The following SORD variants were observed in gnomAD, a reference collection of about 807,000 sequenced individuals.
The protein encoded by SORD is sorbitol dehydrogenase.
Under a neutral mutation model 35.6 loss-of-function variants are expected in SORD, and 18 were observed. The observed-to-expected ratio is 0.51, with a 90% CI of 0.35 to 0.75. The LOEUF (loss-of-function observed/expected upper bound fraction) is 0.75. SORD is among the 30% of genes least tolerant of loss of function. SORD has a pLI of 0.01. For missense variants in SORD, 250 were observed against 390.2 expected (o/e 0.64, Z 3.03); for synonymous variants, 106 against 152.9 (o/e 0.69, Z 2.26).
chr15:45,055,332 C>A (rs1893198113), intron 3 of SORD, among the ~76,000 whole-genome samples: 1 of 152,112 alleles, frequency 6.6e-6, no homozygotes, highest in Admixed American at 6.5e-5. Context: ...CACAGAAATA[C>A]AAACTACCAT....
chr15:45,068,526 C>G (rs1024091067), intron 6 of SORD, among the ~76,000 whole-genome samples: 11 of 151,520 alleles, frequency 7.3e-5, no homozygotes, highest in African/African-American at 2.2e-4. Context: ...GGTGTCCAAT[C>G]TTTTGGCTTC....
intron 4 of SORD, among the ~76,000 whole-genome samples, chr15:45,063,353 T>C (rs1893353411): frequency 1.3e-5 from 2 of 152,064 alleles, no homozygotes; most frequent in South Asian, 4.2e-4. Flanking sequence ...ACTACCAAGT[T>C]GCCTCATCAC....
At chr15:45,035,596 T>A (rs4775707) in intron 1 of SORD, among the ~76,000 whole-genome samples, 18,652 of 152,166 alleles carry the variant, frequency 0.12, 1,175 homozygotes, top group South Asian at 0.23. Flanking sequence ...GAATAAAAGC[T>A]GGCTGCCTGA....
chr15:45,048,230 T>C (rs1893074897), intron 3 of SORD, among the ~76,000 whole-genome samples: 1 of 152,200 alleles, frequency 6.6e-6, no homozygotes, highest in African/African-American at 2.4e-5. Context: ...CAATAAGTAA[T>C]GCCCTTCTAG....
In SORD at chr15:45,027,448, G is replaced by A. The variant is rs534783711; in HGVS notation, c.66+4099G>A. Among the ~76,000 whole-genome samples the A allele has an allele frequency of 2.5e-4, 38 of 152,380 alleles. 1 individual carries two copies. Among genetic ancestry groups the A allele is most frequent in the South Asian group, 1.2e-3 (6 of 4,828 alleles). ...GTATGAGGATTCAGTGGAACCAATT[G>A]TGCGTGTGAAAGGCCTAGCACAGCA... On this transcript the variant is annotated intron_variant, in intron 1 of 8. Coordinates refer to ENST00000267814, the MANE Select transcript of SORD (RefSeq NM_003104.6).
chr15:45,038,119 G>A (rs933517815), intron 1 of SORD, among the ~76,000 whole-genome samples: 3 of 147,418 alleles, frequency 2.0e-5, no homozygotes, highest in African/African-American at 7.5e-5. Context: ...TCCTTCCCTC[G>A]CATCCTCCCT....
chr15:45,055,949 C>G (rs1348256278), intron 3 of SORD, among the ~76,000 whole-genome samples: 1 of 151,788 alleles, frequency 6.6e-6, no homozygotes, highest in African/African-American at 2.4e-5. Context: ...ACTCTTCATG[C>G]TAAAAACTCT....
chr15:45,051,125 A>G (rs760511751), intron 3 of SORD, among the ~76,000 whole-genome samples: 8 of 152,212 alleles, frequency 5.3e-5, no homozygotes, highest in Non-Finnish European at 1.0e-4. Flanking sequence ...AAACAAGACA[A>G]CAATTGTCTG....
rs563798854 is a variant in SORD at position 45,032,659 on chromosome 15, A to T, written c.67-7749A>T. On this transcript the variant is annotated intron_variant, in intron 1 of 8. Coordinates refer to ENST00000267814, the MANE Select transcript of SORD (RefSeq NM_003104.6). ...TGATACAGATTTGCATTTCAGCAAG[A>T]TTGTTATCAGCAGAACAAAGTTGAA... is the stretch of plus-strand genomic sequence containing the variant. Among the ~76,000 whole-genome samples the T allele has an allele frequency of 3.3e-5, 5 of 152,246 alleles. No individual in the cohort carries two copies. The East Asian group carries it at 9.6e-4, about 29-fold the overall frequency.
intron 1 of SORD, among the ~76,000 whole-genome samples, chr15:45,037,843 C>G (rs1440825633): frequency 1.3e-5 from 2 of 151,924 alleles, no homozygotes; most frequent in Non-Finnish European, 2.9e-5. Context: ...GGACAAATAC[C>G]TAATGCATGT....
intron 3 of SORD, among the ~76,000 whole-genome samples, chr15:45,047,879 C>A (rs1035658055): frequency 1.3e-5 from 2 of 152,198 alleles, no homozygotes; most frequent in Non-Finnish European, 2.9e-5. Context: ...CTAGTTTGGT[C>A]TCTGATTCGC....
intron 3 of SORD, among the ~76,000 whole-genome samples, chr15:45,053,424 C>T (rs538078443): frequency 6.6e-6 from 1 of 152,252 alleles, no homozygotes; most frequent in African/African-American, 2.4e-5. Context: ...TACTGAGAGA[C>T]AACTTGACGT....
intron 5 of SORD, among the ~76,000 whole-genome samples, chr15:45,066,268 T>G (rs766841282): frequency 6.7e-6 from 1 of 148,216 alleles, no homozygotes; most frequent in African/African-American, 2.5e-5. Context: ...AAAAAAGGAA[T>G]TAATCTGGCG....
chr15:45,068,579 T>C (rs1893449367), intron 6 of SORD, among the ~76,000 whole-genome samples: 1 of 151,792 alleles, frequency 6.6e-6, no homozygotes, highest in South Asian at 2.1e-4. Context: ...CCACATAAAA[T>C]ACCCTAACAC....
Position 45,023,466 on chromosome 15 carries a change from T to C in SORD, c.66+117T>C, listed in dbSNP as rs1413574632. On this transcript the variant is annotated intron_variant, in intron 1 of 8. Transcript: ENST00000267814. ...CGCCGGCCCCGCACCTTAAGCGCCC[T>C]GGCTGCCCAGATCCCAGCTGGTTCC... is the stretch of plus-strand genomic sequence containing the variant. 3.3e-6 allele frequency: 3 copies of C among 902,782 alleles called. No homozygotes were observed. The Admixed American group carries it at 1.2e-4, about 36-fold the overall frequency. 55.9% of individuals were successfully genotyped at this position (902,782 alleles called of 1,614,324 possible).
chr15:45,074,164 G>A lies in SORD; in HGVS notation c.*634G>A, dbSNP rs1243751181. 1.1e-3 allele frequency: 154 copies of A among 142,240 alleles called. No homozygotes were observed. Among genetic ancestry groups the A allele is most frequent in the Non-Finnish European group, 1.9e-3 (124 of 66,162 alleles). The allele number at this position is 142,240 out of a possible 1,614,324, so 8.8% of individuals were successfully genotyped here. A position where few individuals can be genotyped will look rare whatever the true frequency, so the allele number is the denominator to read the frequency against. ...ATGTCATGTGAGGTTAAACCAGTTT[G>A]CATTCCCCTAATGTGGAAAAAGTAA... On this transcript the variant is annotated 3_prime_UTR_variant, in exon 9 of 9. Coordinates refer to ENST00000267814, the MANE Select transcript of SORD (RefSeq NM_003104.6).
Position 45,061,091 on chromosome 15 carries a change from G to A in SORD, c.290G>A (p.Gly97Asp), listed in dbSNP as rs748132819. ...KPGDRVAIEPGAPRENDEFCK... is the reference protein window; with the variant it reads ...KPGDRVAIEPDAPRENDEFCK... The stretch of plus-strand genomic sequence containing the variant: ...GGTGATCGTGTTGCCATCGAGCCTG[G>A]TGCTCCCCGAGAAAATGATGAATTC... Residue 97 changes from glycine to aspartate, a missense_variant, in exon 4 of 9, where the codon GGT becomes GAT. Gly to Asp is a moderately conservative substitution (Grantham distance 94). Coordinates refer to ENST00000267814, the MANE Select transcript of SORD (RefSeq NM_003104.6). 1.9e-6 allele frequency: 3 copies of A among 1,614,118 alleles called. No homozygotes were observed. Among genetic ancestry groups the A allele is most frequent in the East Asian group, 4.5e-5 (2 of 44,884 alleles).
intron 8 of SORD, among the ~76,000 whole-genome samples, chr15:45,072,909 G>A (rs2141129506): frequency 7.3e-6 from 1 of 137,198 alleles, no homozygotes; most frequent in East Asian, 2.0e-4. Context: ...CCCTGCTGGG[G>A]CCCTCTGGCT....
Position 45,040,396 on chromosome 15 carries a change from T to A in SORD, c.67-12T>A. 1 of 1,476,358 alleles carries A rather than the reference T, an allele frequency of 6.8e-7. No individual in the cohort carries two copies. 91.5% of individuals were successfully genotyped at this position (1,476,358 alleles called of 1,614,324 possible). ...GCATGCTAAATGATTTTTTCAATTT[T>A]GTTTCTTTTAGGAGAACTATCCTAT... On this transcript the variant is annotated splice_polypyrimidine_tract_variant and intron_variant, in intron 1 of 8. Coordinates refer to ENST00000267814, the MANE Select transcript of SORD (RefSeq NM_003104.6).
Sources: allele counts gnomAD v4.1 joint callset (sites outside exome capture counted in the v4.1 genomes callset), GRCh38; gene constraint gnomAD v4.1.1; transcripts MANE v1.5; gene names NCBI Gene and HGNC (gene_info 2026-07-23, HGNC 2026-07-21).